The following XPNPEP1 variants were observed in gnomAD, a reference collection of about 807,000 sequenced individuals.
XPNPEP1 encodes X-prolyl aminopeptidase 1.
In XPNPEP1, 39 loss-of-function variants were observed where a neutral mutation model predicts 92.4. That is an observed-to-expected ratio of 0.42 (90% confidence interval 0.33 to 0.55). XPNPEP1 has a LOEUF of 0.55. Among genes scored for constraint, XPNPEP1 ranks in the 20% least tolerant of loss-of-function variants. The pLI, the probability that XPNPEP1 is intolerant of heterozygous loss-of-function variation, is 0.08. For synonymous variants in XPNPEP1, 307 were observed against 299.4 expected, an observed-to-expected ratio of 1.03 and a Z score of -0.26; for missense variants, 654 against 856.1, an observed-to-expected ratio of 0.76 and a Z score of 2.95.
intron 3 of XPNPEP1, among the ~76,000 whole-genome samples, chr10:109,904,434 A>G (rs1849446893): frequency 6.6e-6 from 1 of 152,046 alleles, no homozygotes; most frequent in African/African-American, 2.4e-5. Context: ...ACAGAACAAC[A>G]TATAAAGGTA....
Position 109,867,316 on chromosome 10 carries a change from G to A in XPNPEP1, c.1872+1298C>T, listed in dbSNP as rs181524006. 1.7e-3 allele frequency among the ~76,000 whole-genome samples: 264 copies of A among 152,336 alleles called. No homozygotes were observed. The highest frequency in any genetic ancestry group is 3.4e-3 in the Middle Eastern group (1 of 294). On this transcript the variant is annotated intron_variant, in intron 20 of 20. Coordinates refer to ENST00000502935, the MANE Select transcript of XPNPEP1 (RefSeq NM_020383.4). The surrounding 1 kb of genome is among the most constrained non-coding windows in gnomAD (Gnocchi z 4.5). ...CCTGGACACTGGAAGGACTCTTCCT[G>A]CTGAAGAGACACACCAGACATTGTG...
chr10:109,886,174 AAC>A, intron 8 of XPNPEP1, 70 bp downstream of exon 8: 1 of 1,495,388 alleles, frequency 6.7e-7, no homozygotes, highest in East Asian at 2.4e-5. Context: ...GAATGGCATG[AAC>A]ACACAGATAC....
At chr10:109,874,477 T>G (rs1847665456) in intron 15 of XPNPEP1, among the ~76,000 whole-genome samples, 1 of 152,156 alleles carries the variant, frequency 6.6e-6, no homozygotes, top group African/African-American at 2.4e-5. Context: ...TGCTAAAAAT[T>G]TAGAAGTGAA....
At chr10:109,910,199 A>C (rs1271063778) in intron 2 of XPNPEP1, among the ~76,000 whole-genome samples, 7 of 152,208 alleles carry the variant, frequency 4.6e-5, no homozygotes, top group African/African-American at 1.7e-4. Flanking sequence ...AATGTCATAT[A>C]GTTAGAAACA....
chr10:109,912,136 C>A (rs1361402529), intron 2 of XPNPEP1, among the ~76,000 whole-genome samples: 1 of 152,090 alleles, frequency 6.6e-6, no homozygotes, highest in Non-Finnish European at 1.5e-5. Flanking sequence ...CATATCAGAC[C>A]CCCACAGAAT....
intron 3 of XPNPEP1, among the ~76,000 whole-genome samples, chr10:109,900,620 C>T (rs934054722): frequency 2.6e-5 from 4 of 152,242 alleles, no homozygotes; most frequent in African/African-American, 4.8e-5. Context: ...CCCTCCTCTC[C>T]GCTCCTAACC....
chr10:109,865,388 G>T, intron 20 of XPNPEP1, 76 bp from the exon 21 acceptor site: 1 of 1,583,260 alleles, frequency 6.3e-7, no homozygotes, highest in Admixed American at 1.7e-5. Context: ...CAACAGCAAA[G>T]GCCCCCATGT....
rs139214873 is a variant in XPNPEP1 at position 109,871,823 on chromosome 10, C to T, written c.1491G>A (p.Val497=). The change falls in exon 17 of 21, where the codon GTG becomes GTA. Residue 497 remains valine, a synonymous_variant. Coordinates refer to ENST00000502935, the MANE Select transcript of XPNPEP1 (RefSeq NM_020383.4). ...TTCCAGTCGGGAAAACGGCTGCACT[C>T]ACAGCTATGTGGCCCTTGAGGACAT... ...FTYVLKGHIA[V]SAAVFPTGTK... 4.3e-6 allele frequency: 7 copies of T among 1,614,034 alleles called. No individual in the cohort carries two copies. The highest frequency in any genetic ancestry group is 5.9e-6 in the Non-Finnish European group (7 of 1,180,032).
At chr10:109,907,876 T>G in intron 2 of XPNPEP1, 61 bp from the exon 3 acceptor site, 1 of 1,600,154 alleles carries the variant, frequency 6.2e-7, no homozygotes, top group Non-Finnish European at 8.5e-7. Context: ...AACGTCCAGT[T>G]CGAAGTGGGC....
At chr10:109,872,008 A>T (rs941575115) in intron 16 of XPNPEP1, 147 bp from the exon 17 acceptor site, 1 of 770,814 alleles carries the variant, frequency 1.3e-6, no homozygotes, top group Non-Finnish European at 2.0e-6. Flanking sequence ...TCTGGTGGAA[A>T]AAAAGCCTGG....
chr10:109,887,225 C>T (rs1311749018), intron 7 of XPNPEP1, among the ~76,000 whole-genome samples: 2 of 152,202 alleles, frequency 1.3e-5, no homozygotes, highest in Non-Finnish European at 2.9e-5. Context: ...CTTCAAACCA[C>T]GCTGATGGAA....
chr10:109,868,586 T>C, intron 20 of XPNPEP1, 28 bp downstream of exon 20: 1 of 1,575,912 alleles, frequency 6.3e-7, no homozygotes, highest in Non-Finnish European at 8.7e-7. Context: ...CCTAGTAACA[T>C]GCCTGCCCAC....
At chr10:109,921,324 G>A (rs759302306) in intron 1 of XPNPEP1, among the ~76,000 whole-genome samples, 6 of 152,172 alleles carry the variant, frequency 3.9e-5, no homozygotes, top group Non-Finnish European at 7.3e-5. Flanking sequence ...ATCCAGCTCA[G>A]TGCTCCTACC....
At chr10:109,922,613 T>C (rs1426736421) in intron 1 of XPNPEP1, among the ~76,000 whole-genome samples, 2 of 152,216 alleles carry the variant, frequency 1.3e-5, no homozygotes, top group Admixed American at 6.5e-5. Flanking sequence ...AGTGCATTCA[T>C]GTCTCAAGTG....
At chr10:109,892,954 G>C (rs1848780031) in intron 4 of XPNPEP1, 58 bp downstream of exon 4, 2 of 1,560,470 alleles carry the variant, frequency 1.3e-6, no homozygotes, top group South Asian at 2.3e-5. Flanking sequence ...ACTCGGTTCA[G>C]TTATTTTTAG....
At chr10:109,875,723 A>C in intron 14 of XPNPEP1, 124 bp from the exon 15 acceptor site, 2 of 702,652 alleles carry the variant, frequency 2.8e-6, no homozygotes. Context: ...ATTATATCAA[A>C]ATAGAAAGTT....
chr10:109,880,293 A>G, intron 11 of XPNPEP1, 55 bp from the exon 12 acceptor site: 3 of 1,580,668 alleles, frequency 1.9e-6, no homozygotes, highest in Non-Finnish European at 2.6e-6. Context: ...ACGTGACCAG[A>G]TTCAGAGCCT....
At chr10:109,873,686 C>A in intron 15 of XPNPEP1, 1 of 486,826 alleles carries the variant, frequency 2.1e-6, no homozygotes, top group Non-Finnish European at 3.7e-6. Flanking sequence ...CATGAAGGTT[C>A]ACAGCCACAT....
At position 109,888,446 on chromosome 10, in the gene XPNPEP1, G is replaced by A. The variant is rs540710870; in HGVS notation, c.508+57C>T. The A allele has an allele frequency of 1.9e-4, 293 of 1,507,972 alleles. 2 individuals carry two copies. The highest frequency in any genetic ancestry group is 1.8e-3 in the South Asian group (143 of 81,074). 93.4% of individuals were successfully genotyped at this position (1,507,972 alleles called of 1,614,324 possible). ...ACCCCACAAGCAAATGAGGAGAATG[G>A]AGGGGAATCTAGAAGCCACTTCCTT... On this transcript the variant is annotated intron_variant, in intron 6 of 20. Coordinates refer to ENST00000502935, the MANE Select transcript of XPNPEP1 (RefSeq NM_020383.4).
Sources: allele counts gnomAD v4.1 joint callset (sites outside exome capture counted in the v4.1 genomes callset), GRCh38; gene constraint gnomAD v4.1.1; non-coding constraint Gnocchi (gnomAD v3.1); transcripts MANE v1.5; gene names NCBI Gene and HGNC (gene_info 2026-07-23, HGNC 2026-07-21).